Variants in AZIN1 observed in about 807,000 individuals in gnomAD.
AZIN1 encodes the protein ornithine decarboxylase antizyme inhibitor.
In AZIN1, 12 loss-of-function variants were observed where a neutral mutation model predicts 47.4. That is an observed-to-expected ratio of 0.25 (90% CI 0.16 to 0.41). AZIN1 has a LOEUF of 0.41. Ranked by LOEUF, AZIN1 falls within the 10% of genes least tolerant of loss-of-function variation. The probability of loss-of-function intolerance (pLI) is 1.00; values close to 1 mark genes in which losing one functional copy is unlikely to be tolerated. For missense variants in AZIN1, 410 were observed against 532.4 expected (o/e 0.77, Z 2.26); for synonymous variants, 155 against 176.3 (o/e 0.88, Z 0.96).
intron 3 of AZIN1, among the ~76,000 whole-genome samples, 165 bp from the exon 4 acceptor site, chr8:102,839,988 TAA>T (rs757930438): frequency 2.0e-5 from 3 of 152,240 alleles, no homozygotes; most frequent in Non-Finnish European, 4.4e-5. Flanking sequence ...TAGTAAACAT[TAA>T]AAGAGACTCT....
chr8:102,857,591 CATAT>C (rs1813374468), intron 2 of AZIN1, among the ~76,000 whole-genome samples: 2 of 151,914 alleles, frequency 1.3e-5, no homozygotes, highest in Non-Finnish European at 1.5e-5. Flanking sequence ...TATTTAGATA[CATAT>C]ATAAATTGAG....
At position 102,829,266 on chromosome 8, in the gene AZIN1, C is replaced by A. The variant is rs761522291; in HGVS notation, c.1235+6G>T. Reference sequence around the variant, plus strand: ...TCCCATCTGCCTTAAAATAAAATCACCTTACCAATCACTGAATGACATCAT... The same window carrying A: ...TCCCATCTGCCTTAAAATAAAATCAACTTACCAATCACTGAATGACATCAT... On this transcript the variant is annotated splice_donor_region_variant and intron_variant, in intron 11 of 11. Transcript: ENST00000337198. The A allele has an allele frequency of 1.9e-6, 3 of 1,608,376 alleles. No homozygotes were observed. The highest frequency in any genetic ancestry group is 1.7e-4 in the Middle Eastern group (1 of 6,040).
At chr8:102,841,349 G>A (rs1812166463) in intron 3 of AZIN1, among the ~76,000 whole-genome samples, 1 of 152,202 alleles carries the variant, frequency 6.6e-6, no homozygotes, top group South Asian at 2.1e-4. Context: ...TGGGGTTGAG[G>A]AGTAATCCTC....
intron 5 of AZIN1, among the ~76,000 whole-genome samples, chr8:102,836,725 T>C (rs977133092): frequency 7.2e-5 from 11 of 152,176 alleles, no homozygotes; most frequent in Non-Finnish European, 1.5e-4. Flanking sequence ...GAAGACTAAA[T>C]TGAATAGCAA....
At chr8:102,835,386 A>G (rs1033715093) in intron 6 of AZIN1, 1 of 152,410 alleles carries the variant, frequency 6.6e-6, no homozygotes, top group African/African-American at 2.4e-5. Context: ...TTAAAACTTA[A>G]AACTAGACTG....
intron 2 of AZIN1, among the ~76,000 whole-genome samples, chr8:102,846,881 C>T (rs1025179243): frequency 3.9e-5 from 6 of 152,132 alleles, no homozygotes; most frequent in Non-Finnish European, 8.8e-5. Flanking sequence ...AGCTTCTTGT[C>T]ACTATAAATT....
At chr8:102,840,144 T>G (rs1437652672) in intron 3 of AZIN1, among the ~76,000 whole-genome samples, 1 of 152,248 alleles carries the variant, frequency 6.6e-6, no homozygotes. Flanking sequence ...TTTTACTTTT[T>G]GGCAGTTGAA....
At chr8:102,842,467 A>AGGCCAAGGTGG (rs1297635320) in intron 3 of AZIN1, among the ~76,000 whole-genome samples, 3 of 152,084 alleles carry the variant, frequency 2.0e-5, no homozygotes, top group Non-Finnish European at 4.4e-5. Flanking sequence ...GCCCTTTGGG[A>AGGCCAAGGTGG]GGCCAAGGTG....
chr8:102,835,186 C>A, intron 6 of AZIN1: 1 of 158,548 alleles, frequency 6.3e-6, no homozygotes, highest in Non-Finnish European at 1.4e-5. Context: ...GAACATTAAT[C>A]AAGCTGAGTA....
rs185220165 is a variant in AZIN1 at position 102,844,226 on chromosome 8, G to T, written c.-95-479C>A. ...AAATGTCTTATAAATAAAAGTCCTG[G>T]CCGGGCATGGTGGCCCATGCCTGTA... On this transcript the variant is annotated intron_variant, in intron 2 of 11. Transcript: ENST00000337198. Among the ~76,000 whole-genome samples the T allele has an allele frequency of 1.6e-3, 246 of 152,296 alleles. 1 individual carries two copies. The highest frequency in any genetic ancestry group is 5.7e-3 in the African/African-American group (236 of 41,550).
intron 2 of AZIN1, among the ~76,000 whole-genome samples, chr8:102,856,829 T>C (rs1036954474): frequency 3.9e-5 from 6 of 152,242 alleles, no homozygotes; most frequent in African/African-American, 1.2e-4. Flanking sequence ...TGCTTCTCTT[T>C]AATGTGCACA....
At chr8:102,857,561 A>C (rs1397979008) in intron 2 of AZIN1, among the ~76,000 whole-genome samples, 1 of 152,094 alleles carries the variant, frequency 6.6e-6, no homozygotes, top group Non-Finnish European at 1.5e-5. Context: ...TACCATACAT[A>C]TATTTTAATA....
At chr8:102,858,217 A>G (rs1813411129) in intron 1 of AZIN1, 67 bp from the exon 2 acceptor site, 1 of 397,788 alleles carries the variant, frequency 2.5e-6, no homozygotes, top group South Asian at 1.3e-4. Flanking sequence ...GCTGACTTAA[A>G]CATGAACTGT....
chr8:102,844,634 TAAA>T (rs34428083), intron 2 of AZIN1, among the ~76,000 whole-genome samples: 6,223 of 146,324 alleles, frequency 0.043, 280 homozygotes, highest in East Asian at 0.2. Flanking sequence ...CAGGTTGTTG[TAAA>T]AAAAAAAAAA....
At chr8:102,851,703 C>CA (rs367784413) in intron 2 of AZIN1, among the ~76,000 whole-genome samples, 78 of 150,430 alleles carry the variant, frequency 5.2e-4, no homozygotes, top group African/African-American at 1.5e-3. Flanking sequence ...TCTCAGAAAA[C>CA]AAAAAAAAAG....
intron 2 of AZIN1, among the ~76,000 whole-genome samples, chr8:102,847,883 C>T (rs1812672244): frequency 6.6e-6 from 1 of 152,234 alleles, no homozygotes; most frequent in Non-Finnish European, 1.5e-5. Context: ...GCATGAGCCA[C>T]TCTGTCCAGC....
chr8:102,842,732 C>CAA (rs1022784302), intron 3 of AZIN1, among the ~76,000 whole-genome samples: 2 of 141,556 alleles, frequency 1.4e-5, no homozygotes, highest in East Asian at 4.2e-4. Flanking sequence ...AAACAAAAAA[C>CAA]AAAAAAAAAA....
At chr8:102,830,128 G>A (rs542141903) in intron 9 of AZIN1, 192 bp from the exon 10 acceptor site, 48 of 474,062 alleles carry the variant, frequency 1.0e-4, no homozygotes, top group Non-Finnish European at 1.4e-4. Flanking sequence ...GCTCATACCT[G>A]TAATCCTAGC....
At chr8:102,851,735 T>C (rs1812931907) in intron 2 of AZIN1, among the ~76,000 whole-genome samples, 2 of 152,236 alleles carry the variant, frequency 1.3e-5, no homozygotes, top group South Asian at 4.2e-4. Context: ...ATGTAATATC[T>C]CAGAGGCCCC....
Sources: gnomAD v4.1 joint callset for allele counts (sites outside exome capture counted in the v4.1 genomes callset) on GRCh38, gnomAD v4.1.1 for gene constraint, MANE v1.5 for transcripts, NCBI Gene and HGNC (gene_info 2026-07-23, HGNC 2026-07-21) for gene names.